PRMT8: variants seen among roughly 807,000 people sequenced by gnomAD.
The protein encoded by PRMT8 is protein arginine N-methyltransferase 8.
In PRMT8, 7 loss-of-function variants were observed where a neutral mutation model predicts 47.1. The ratio of observed to expected loss-of-function variants is 0.15; its 90% CI spans 0.08 to 0.28. The LOEUF is 0.28. Ranked by LOEUF, PRMT8 falls within the 10% of genes least tolerant of loss-of-function variation. The pLI is 1.00. For missense variants in PRMT8, 237 were observed against 505.4 expected (o/e 0.47, Z 5.09); for synonymous variants, 188 against 186.5 (o/e 1.01, Z -0.07).
chr12:3,464,300 A>G (rs1480652453), intron 1 of PRMT8, among the ~76,000 whole-genome samples: 2 of 151,648 alleles, frequency 1.3e-5, no homozygotes, highest in Non-Finnish European at 2.9e-5. Context: ...CACACAAACC[A>G]CAAAGACAGT....
At chr12:3,534,531 T>C (rs1866086288) in intron 1 of PRMT8, among the ~76,000 whole-genome samples, 1 of 152,226 alleles carries the variant, frequency 6.6e-6, no homozygotes, top group African/African-American at 2.4e-5. Context: ...TTCCCCTAGG[T>C]GAGCCTAAAC....
At chr12:3,421,230 G>A (rs780121649) in intron 1 of PRMT8, among the ~76,000 whole-genome samples, 18 of 152,100 alleles carry the variant, frequency 1.2e-4, no homozygotes, top group Non-Finnish European at 2.2e-4. Context: ...CGTGCCTGTC[G>A]GGTCTCAAAT....
chr12:3,505,093 C>T (rs1865598947), intron 1 of PRMT8, among the ~76,000 whole-genome samples: 1 of 144,674 alleles, frequency 6.9e-6, no homozygotes, highest in African/African-American at 2.6e-5. Context: ...TGGCCTGCGC[C>T]CACTGTCTGG....
upstream of PRMT8, among the ~76,000 whole-genome samples, chr12:3,486,522 G>T (rs75229433): frequency 4.5e-3 from 684 of 152,282 alleles, 4 homozygotes; most frequent in African/African-American, 0.016. Flanking sequence ...GCACTGGAAA[G>T]ACTGAATGGC....
rs1866161656 is a variant in PRMT8, at chr12:3,538,539, A to G, written c.76-2067A>G. The G allele has an allele frequency of 1.0e-5, 5 of 487,388 alleles. No homozygotes were observed. Among genetic ancestry groups the G allele is most frequent in the African/African-American group, 9.8e-5 (5 of 50,998 alleles). 30.2% of individuals were successfully genotyped at this position (487,388 alleles called of 1,614,324 possible). A position where few individuals can be genotyped will look rare whatever the true frequency, so the allele number is the denominator to read the frequency against. ...GAGTCCCAGGAAGCACATGGAAAAG[A>G]GAGCCTTGGAACCAGAGTGGAGTGA... is the stretch of plus-strand genomic sequence containing the variant. On this transcript the variant is annotated intron_variant, in intron 1 of 9. Transcript: ENST00000382622. The surrounding 1 kb of genome is among the most constrained non-coding windows in gnomAD (Gnocchi z 4.6).
At chr12:3,519,239 G>A (rs1377219585) in intron 1 of PRMT8, among the ~76,000 whole-genome samples, 1 of 152,112 alleles carries the variant, frequency 6.6e-6, no homozygotes, top group Admixed American at 6.5e-5. Context: ...GACAGAGAGA[G>A]AGAGAGAAAA....
rs528343091 is a variant in PRMT8, at chr12:3,423,704, A to T, written c.48+42262A>T. On this transcript the variant is annotated intron_variant, in intron 1 of 9. Coordinates refer to the PRMT8 transcript ENST00000452611. ...GTGGGGGCCATCCAGTCCCAGTGGG[A>T]CTCTGGGTGGGTCCACACGGTTTGT... is the stretch of plus-strand genomic sequence containing the variant. 2.2e-4 allele frequency among the ~76,000 whole-genome samples: 34 copies of T among 152,000 alleles called. No individual in the cohort carries two copies. In the East Asian group the frequency reaches 6.0e-3, roughly 27 times the overall value.
intron 2 of PRMT8, among the ~76,000 whole-genome samples, chr12:3,549,632 C>T (rs1866383240): frequency 6.6e-6 from 1 of 152,144 alleles, no homozygotes; most frequent in Admixed American, 6.5e-5. Context: ...ATCTCTTATG[C>T]TATGTTGTAC....
intron 1 of PRMT8, among the ~76,000 whole-genome samples, chr12:3,516,102 T>C (rs945682848): frequency 4.6e-5 from 7 of 152,192 alleles, no homozygotes; most frequent in Admixed American, 2.0e-4. Flanking sequence ...GCCATTCACA[T>C]GGTGGAGCAT....
chr12:3,459,843 C>T (rs991154305), intron 1 of PRMT8, among the ~76,000 whole-genome samples: 1 of 152,128 alleles, frequency 6.6e-6, no homozygotes, highest in Non-Finnish European at 1.5e-5. Flanking sequence ...ATCTTTAGAG[C>T]TGGGGTGAGG....
At chr12:3,516,385 T>C (rs1264002247) in intron 1 of PRMT8, among the ~76,000 whole-genome samples, 1 of 152,230 alleles carries the variant, frequency 6.6e-6, no homozygotes, top group Non-Finnish European at 1.5e-5. Context: ...AAATATTTAT[T>C]GAATGTTCAC....
chr12:3,418,779 G>A (rs1456586440), intron 1 of PRMT8, among the ~76,000 whole-genome samples: 3 of 145,524 alleles, frequency 2.1e-5, no homozygotes, highest in Non-Finnish European at 4.5e-5. Context: ...GGTGGCTTTT[G>A]CCTCCTCTGG....
chr12:3,593,275 A>G lies in PRMT8; in HGVS notation c.*93A>G, dbSNP rs988945720. On this transcript the variant is annotated 3_prime_UTR_variant, in exon 10 of 10. Coordinates refer to ENST00000382622, the MANE Select transcript of PRMT8 (RefSeq NM_019854.5). This position sits in a 1 kb window ranked among gnomAD's most constrained non-coding sequence, Gnocchi z 4.8. ...AAGAATACCGTTTGCAGGACTACAC[A>G]CTTGAAAACCAGAGTTTTCAACTCT... 3 of 1,091,434 alleles carry G rather than the reference A, an allele frequency of 2.7e-6. No homozygotes were observed. Among genetic ancestry groups the G allele is most frequent in the African/African-American group, 3.2e-5 (2 of 63,112 alleles). The allele number at this position is 1,091,434 out of a possible 1,614,324, so 67.6% of individuals were successfully genotyped here. A position where few individuals can be genotyped will look rare whatever the true frequency, so the allele number is the denominator to read the frequency against.
In PRMT8 at chr12:3,491,695, A is replaced by T; in HGVS notation, c.70A>T (p.Thr24Ser). Residue 24 changes from threonine (T) to serine (S), a missense_variant, in exon 1 of 10, where the codon ACC (threonine) becomes TCC (serine). Thr to Ser is a moderately conservative substitution (Grantham distance 58). This residue lies in a region of PRMT8 where 11 missense variants were observed against 36.1 expected (regional missense o/e 0.31). Coordinates refer to ENST00000382622, the MANE Select transcript of PRMT8 (RefSeq NM_019854.5). ...AATGGCGGAGAACGCGGCCGAGAGC[A>T]CCGAGGTAAGGAGGCGAGCGAGCAG... The part of the protein sequence containing the change: ...RKMAENAAES[T>S]EVNSPPSQPP... 4 of 1,608,754 alleles carry T rather than the reference A, an allele frequency of 2.5e-6. No homozygotes were observed. The highest frequency in any genetic ancestry group is 3.4e-6 in the Non-Finnish European group (4 of 1,179,136).
chr12:3,446,972 T>A (rs1027866012), intron 1 of PRMT8, among the ~76,000 whole-genome samples: 6 of 152,086 alleles, frequency 3.9e-5, no homozygotes, highest in African/African-American at 1.4e-4. Flanking sequence ...TAACCATACA[T>A]CCCCTTTATG....
At chr12:3,526,553 T>G (rs1051836444) in intron 1 of PRMT8, among the ~76,000 whole-genome samples, 4 of 152,228 alleles carry the variant, frequency 2.6e-5, no homozygotes, top group African/African-American at 9.6e-5. Flanking sequence ...AAAATATATA[T>G]TAGCCAACTT....
chr12:3,543,829 T>A (rs1017219585), intron 2 of PRMT8, among the ~76,000 whole-genome samples: 4 of 152,168 alleles, frequency 2.6e-5, no homozygotes, highest in African/African-American at 9.7e-5. Flanking sequence ...AAGTGGAAGA[T>A]GTGTGCTTCC....
At chr12:3,432,895 G>A (rs1864697880) in intron 1 of PRMT8, among the ~76,000 whole-genome samples, 1 of 152,212 alleles carries the variant, frequency 6.6e-6, no homozygotes, top group Admixed American at 6.5e-5. Flanking sequence ...TGAATCAACA[G>A]GTGAAAGGGA....
chr12:3,474,354 G>A (rs1865188687), intron 1 of PRMT8, among the ~76,000 whole-genome samples: 1 of 152,188 alleles, frequency 6.6e-6, no homozygotes, highest in African/African-American at 2.4e-5. Flanking sequence ...CTTCACGAGT[G>A]TAAAGAGGAT....
Sources: gnomAD v4.1 joint callset for allele counts (sites outside exome capture counted in the v4.1 genomes callset) on GRCh38, gnomAD v4.1.1 for gene constraint, gnomAD v4.1.1 regional missense constraint, Gnocchi (gnomAD v3.1) non-coding constraint, MANE v1.5 for transcripts, NCBI Gene and HGNC (gene_info 2026-07-23, HGNC 2026-07-21) for gene names.